Variants in LCORL observed in about 807,000 individuals in gnomAD.
LCORL encodes the protein ligand dependent nuclear receptor corepressor like, also known as ligand-dependent nuclear receptor corepressor-like protein.
Under a neutral mutation model 141.8 loss-of-function variants are expected in LCORL, and 41 were observed. The observed-to-expected ratio is 0.29, with a 90% CI of 0.23 to 0.38. The LOEUF is 0.38. Among genes scored for constraint, LCORL ranks in the 10% least tolerant of loss-of-function variants. The pLI, the probability that LCORL is intolerant of heterozygous loss-of-function variation, is 1.00. For missense variants in LCORL, 1,759 were observed against 2,035.0 expected (o/e 0.86, Z 2.61); for synonymous variants, 618 against 694.1 (o/e 0.89, Z 1.72).
intron 1 of LCORL, among the ~76,000 whole-genome samples, chr4:18,004,469 C>T (rs112409754): frequency 2.2e-4 from 34 of 152,218 alleles, no homozygotes; most frequent in African/African-American, 7.2e-4. Context: ...TAAAACCGTC[C>T]GATCTCATGA....
exon 7 of LCORL, chr4:17,877,520 A>T (rs957281202): frequency 8.1e-7 from 1 of 1,230,128 alleles, no homozygotes; most frequent in African/African-American, 1.6e-5. Context: ...TATCTTGATG[A>T]TCACTCTTAT....
intron 5 of LCORL, among the ~76,000 whole-genome samples, chr4:17,891,504 CTA>C (rs745993416): frequency 7.6e-4 from 116 of 152,044 alleles, no homozygotes; most frequent in Admixed American, 2.7e-3. Flanking sequence ...TTTAAAAACA[CTA>C]AATATTTAAA....
At chr4:17,868,985 T>C (rs1468038523) in intron 7 of LCORL, among the ~76,000 whole-genome samples, 1 of 151,992 alleles carries the variant, frequency 6.6e-6, no homozygotes, top group Non-Finnish European at 1.5e-5. Flanking sequence ...TGGACTCTAA[T>C]ATCTCAGGAT....
intron 7 of LCORL, among the ~76,000 whole-genome samples, chr4:17,853,292 C>T (rs1421567641): frequency 8.6e-5 from 13 of 151,984 alleles, no homozygotes; most frequent in Admixed American, 8.5e-4. Flanking sequence ...GATTAGTGGA[C>T]AAGTGTATGG....
chr4:17,912,957 C>T, intron 4 of LCORL: 1 of 455,138 alleles, frequency 2.2e-6, no homozygotes, highest in Non-Finnish European at 4.3e-6. Context: ...AGACCAGTGA[C>T]ACCAAAGTTC....
chr4:17,892,209 C>CTTT (rs1018422638), intron 5 of LCORL, among the ~76,000 whole-genome samples: 12 of 126,494 alleles, frequency 9.5e-5, no homozygotes, highest in South Asian at 2.6e-4. Flanking sequence ...TTTTTTTTTT[C>CTTT]TTTTTTTTTT....
chr4:18,013,817 A>T (rs996968966), intron 1 of LCORL, among the ~76,000 whole-genome samples: 5 of 147,800 alleles, frequency 3.4e-5, no homozygotes, highest in Non-Finnish European at 6.0e-5. Flanking sequence ...TTGCAGTTGA[A>T]TTTTTTTTTT....
At chr4:17,973,709 T>C (rs1285183931) in intron 1 of LCORL, among the ~76,000 whole-genome samples, 1 of 151,972 alleles carries the variant, frequency 6.6e-6, no homozygotes, top group African/African-American at 2.4e-5. Context: ...AAAGAAAAAG[T>C]AGATTTTCTC....
At chr4:17,870,291 A>G (rs1340695852) in intron 7 of LCORL, among the ~76,000 whole-genome samples, 1 of 152,106 alleles carries the variant, frequency 6.6e-6, no homozygotes. Flanking sequence ...TTTTGCAGAG[A>G]TGGGGTCCCG....
At chr4:17,893,793 A>C (rs1035459134) in intron 5 of LCORL, among the ~76,000 whole-genome samples, 2 of 152,026 alleles carry the variant, frequency 1.3e-5, no homozygotes, top group Non-Finnish European at 2.9e-5. Context: ...ATTTGATTCT[A>C]AGGTTATTTA....
At chr4:17,843,570 A>T in exon 8 of LCORL, 1 of 820,110 alleles carries the variant, frequency 1.2e-6, no homozygotes, top group Non-Finnish European at 1.9e-6. Context: ...TTTGGCCTGT[A>T]TTAAAGCAGT....
intron 5 of LCORL, chr4:17,893,284 A>C (rs1729391919): frequency 1.5e-6 from 1 of 672,712 alleles, no homozygotes; most frequent in African/African-American, 2.0e-5. Context: ...GTAAAAATTA[A>C]GATTGAGTTT....
At chr4:17,897,598 A>G (rs1730188367) in intron 5 of LCORL, among the ~76,000 whole-genome samples, 1 of 152,160 alleles carries the variant, frequency 6.6e-6, no homozygotes, top group Non-Finnish European at 1.5e-5. Flanking sequence ...TACCTCCAAT[A>G]GAGACTACTA....
At chr4:17,935,272 T>G (rs1736657755) in intron 4 of LCORL, among the ~76,000 whole-genome samples, 1 of 152,114 alleles carries the variant, frequency 6.6e-6, no homozygotes, top group Non-Finnish European at 1.5e-5. Context: ...TCAAATATAT[T>G]AACCATTACT....
rs571579108 is a variant in LCORL, at chr4:17,953,165, A to T, written c.430+8738T>A. On this transcript the variant is annotated intron_variant, in intron 4 of 7. Transcript: ENST00000635767. ...CTACCACTGATGGGCATTTAGGTTG[A>T]TTCCATGCCTTTGCTATTGTGAATA... 5.3e-5 allele frequency among the ~76,000 whole-genome samples: 8 copies of T among 152,340 alleles called. No homozygotes were observed. In the South Asian group the frequency reaches 1.5e-3, roughly 28 times the overall value.
intron 1 of LCORL, among the ~76,000 whole-genome samples, chr4:17,994,528 T>C (rs573268540): frequency 1.3e-5 from 2 of 152,364 alleles, no homozygotes; most frequent in Non-Finnish European, 2.9e-5. Context: ...AAGTTTCATC[T>C]GATCTATTTT....
intron 4 of LCORL, among the ~76,000 whole-genome samples, chr4:17,947,984 A>G (rs6850259): frequency 0.24 from 36,133 of 151,894 alleles, 5,488 homozygotes; most frequent in African/African-American, 0.43. Context: ...TTTAGAGTTT[A>G]TCAAGCAAAC....
At chr4:17,848,191 A>G (rs900637310) in intron 7 of LCORL, among the ~76,000 whole-genome samples, 3 of 152,174 alleles carry the variant, frequency 2.0e-5, no homozygotes, top group Admixed American at 1.3e-4. Context: ...AAAAACCTAA[A>G]TTTACTAATA....
At chr4:17,912,292 C>G in intron 4 of LCORL, 1 of 683,066 alleles carries the variant, frequency 1.5e-6, no homozygotes, top group Non-Finnish European at 2.7e-6. Context: ...TTGGCTGCAG[C>G]TGGAGACACA....
Sources: allele counts gnomAD v4.1 joint callset (sites outside exome capture counted in the v4.1 genomes callset), GRCh38; gene constraint gnomAD v4.1.1; transcripts MANE v1.5; gene names NCBI Gene and HGNC (gene_info 2026-07-23, HGNC 2026-07-21).